PPARGC1A: variants seen among roughly 807,000 people sequenced by gnomAD.
The protein encoded by PPARGC1A is PPARG coactivator 1 alpha.
PPARGC1A carries 25 observed loss-of-function variants against 88.7 expected under a neutral mutation model. That is an observed-to-expected ratio of 0.28 (90% CI 0.21 to 0.39). PPARGC1A has a LOEUF of 0.39. Ranked by LOEUF, PPARGC1A falls within the 10% of genes least tolerant of loss-of-function variation. The probability of loss-of-function intolerance (pLI) is 1.00; values close to 1 mark genes in which losing one functional copy is unlikely to be tolerated. For missense variants in PPARGC1A, 880 were observed against 968.7 expected (o/e 0.91, Z 1.22); for synonymous variants, 363 against 355.6 (o/e 1.02, Z -0.24).
At chr4:24,188,054 A>G in the PPARGC1A span, among the ~76,000 whole-genome samples, 2 of 152,224 alleles carry the variant, frequency 1.3e-5, no homozygotes, top group African/African-American at 4.8e-5. Context: ...GAACATGCCA[A>G]TTATCCTCTA....
At chr4:24,225,414 A>G in the PPARGC1A span, among the ~76,000 whole-genome samples, 1 of 151,982 alleles carries the variant, frequency 6.6e-6, no homozygotes, top group Non-Finnish European at 1.5e-5. Flanking sequence ...CTAAAAATAC[A>G]AAAAATTAGC....
the PPARGC1A span, among the ~76,000 whole-genome samples, chr4:24,468,837 G>A: frequency 6.6e-6 from 1 of 152,090 alleles, no homozygotes; most frequent in Non-Finnish European, 1.5e-5. Context: ...GAAAATGAAA[G>A]TAATCAAAAT....
At chr4:24,086,035 G>A in the PPARGC1A span, among the ~76,000 whole-genome samples, 2 of 152,272 alleles carry the variant, frequency 1.3e-5, no homozygotes, top group East Asian at 3.9e-4. Flanking sequence ...ATTGTTAACT[G>A]TTCCTGAAAT....
the PPARGC1A span, among the ~76,000 whole-genome samples, chr4:24,391,722 C>G: frequency 3.3e-5 from 5 of 152,032 alleles, no homozygotes; most frequent in Admixed American, 2.6e-4. Context: ...GAATACAGAT[C>G]GAGGCAGAAA....
chr4:24,060,257 C>T, the PPARGC1A span, among the ~76,000 whole-genome samples: 43 of 152,218 alleles, frequency 2.8e-4, no homozygotes, highest in African/African-American at 9.6e-4. Context: ...GTGTTTACTG[C>T]CACACAAGCA....
chr4:23,939,378 A>G, the PPARGC1A span, among the ~76,000 whole-genome samples: 431 of 152,334 alleles, frequency 2.8e-3, 4 homozygotes, highest in Non-Finnish European at 2.4e-3. Flanking sequence ...AAAATAATGC[A>G]TAAATACAAT....
chr4:24,261,945 G>C, the PPARGC1A span, among the ~76,000 whole-genome samples: 1 of 152,154 alleles, frequency 6.6e-6, no homozygotes, highest in Non-Finnish European at 1.5e-5. Flanking sequence ...AGCCTGTTTT[G>C]ACAAAGATTT....
intron 1 of PPARGC1A, among the ~76,000 whole-genome samples, chr4:23,887,893 T>G (rs1346683778): frequency 6.6e-6 from 1 of 151,830 alleles, no homozygotes; most frequent in African/African-American, 2.4e-5. Context: ...CTTAGTGGGG[T>G]GTATGTCATG....
chr4:24,289,219 CAAA>C, the PPARGC1A span, among the ~76,000 whole-genome samples: 513 of 82,642 alleles, frequency 6.2e-3, 9 homozygotes, highest in East Asian at 0.11. Context: ...GACTCCGTCT[CAAA>C]AAAAAAAAAA....
chr4:24,299,444 A>G, the PPARGC1A span, among the ~76,000 whole-genome samples: 1 of 152,144 alleles, frequency 6.6e-6, no homozygotes, highest in Non-Finnish European at 1.5e-5. Flanking sequence ...AAGTCAATAT[A>G]TGGGCTTTTT....
the PPARGC1A span, among the ~76,000 whole-genome samples, chr4:24,074,676 G>A: frequency 2.6e-5 from 4 of 151,972 alleles, no homozygotes; most frequent in African/African-American, 9.7e-5. Flanking sequence ...AGAATTCTCT[G>A]AAATGTTAAA....
chr4:23,848,483 T>C (rs1214616266), intron 2 of PPARGC1A, among the ~76,000 whole-genome samples: 3 of 152,146 alleles, frequency 2.0e-5, no homozygotes, highest in Non-Finnish European at 4.4e-5. Flanking sequence ...GTGAGGATAA[T>C]GTTAGCCAGC....
the PPARGC1A span, among the ~76,000 whole-genome samples, chr4:24,188,563 T>G: frequency 4.6e-5 from 7 of 152,126 alleles, no homozygotes; most frequent in African/African-American, 1.5e-4. Flanking sequence ...ATAATTCAAG[T>G]AAAGGTCCCA....
intron 5 of PPARGC1A, 151 bp from the exon 6 acceptor site, chr4:23,824,659 T>C: frequency 1.4e-6 from 1 of 710,624 alleles, no homozygotes. Context: ...CAGACAAAAG[T>C]CCATTATGCT....
At chr4:24,379,397 A>G in the PPARGC1A span, among the ~76,000 whole-genome samples, 1 of 152,214 alleles carries the variant, frequency 6.6e-6, no homozygotes, top group East Asian at 1.9e-4. Flanking sequence ...AGTTAGCAAC[A>G]ATGCATTGTA....
At chr4:24,184,793 T>G in the PPARGC1A span, among the ~76,000 whole-genome samples, 1 of 152,118 alleles carries the variant, frequency 6.6e-6, no homozygotes. Context: ...CCAGCTAAAA[T>G]CATTTTCTAG....
At chr4:24,116,608 C>T in the PPARGC1A span, among the ~76,000 whole-genome samples, 1 of 152,198 alleles carries the variant, frequency 6.6e-6, no homozygotes, top group East Asian at 1.9e-4. Context: ...CAATGAGAGA[C>T]AACCACCCAA....
chr4:23,941,979 C>T, the PPARGC1A span, among the ~76,000 whole-genome samples: 3 of 152,066 alleles, frequency 2.0e-5, no homozygotes, highest in African/African-American at 4.8e-5. Flanking sequence ...TTTGGACTCC[C>T]TACTTTAAAC....
At chr4:23,845,669 G>A (rs2148638959) in intron 2 of PPARGC1A, among the ~76,000 whole-genome samples, 1 of 152,222 alleles carries the variant, frequency 6.6e-6, no homozygotes, top group Non-Finnish European at 1.5e-5. Flanking sequence ...TTGGGATTGG[G>A]TCTTTGACTC....
Sources: gnomAD v4.1 joint callset for allele counts (sites outside exome capture counted in the v4.1 genomes callset) on GRCh38, gnomAD v4.1.1 for gene constraint, MANE v1.5 for transcripts, NCBI Gene and HGNC (gene_info 2026-07-23, HGNC 2026-07-21) for gene names.